PEX13: variants seen among roughly 807,000 people sequenced by gnomAD.
The protein encoded by PEX13 is peroxisomal biogenesis factor 13.
In PEX13, 28 loss-of-function variants were observed where a neutral mutation model predicts 34.5. That is an observed-to-expected ratio of 0.81 (90% CI 0.60 to 1.11). PEX13 has a LOEUF of 1.11. PEX13 is among the 50% of genes most tolerant of loss of function. The probability of loss-of-function intolerance (pLI) is 0.00; values close to 1 mark genes in which losing one functional copy is unlikely to be tolerated. For synonymous variants in PEX13, 177 were observed against 175.1 expected (o/e 1.01, Z -0.09); for missense variants, 550 against 491.0 (o/e 1.12, Z -1.13).
intron 1 of PEX13, among the ~76,000 whole-genome samples, chr2:61,030,177 G>T (rs1316643506): frequency 3.3e-5 from 5 of 152,188 alleles, no homozygotes; most frequent in Non-Finnish European, 5.9e-5. Context: ...ACTACGTATT[G>T]TATGAGTCCA....
In PEX13 at chr2:61,031,860, G is replaced by T. The variant is rs1162525817; in HGVS notation, c.534G>T (p.Val178=). The change falls in exon 2 of 4, where the codon GTG becomes GTT. Residue 178 remains valine, a synonymous_variant. Transcript: ENST00000295030. ...GATTGAAAATACACTTTACAAAAGT[G>T]TTTTCAGCTTTTGCATTGGTTAGGA... is the stretch of plus-strand genomic sequence containing the variant. ...FSRLKIHFTK[V]FSAFALVRTI... is the part of the protein sequence containing the mutation. 2 of 1,612,656 alleles carry T rather than the reference G, an allele frequency of 1.2e-6. No homozygotes were observed. The highest frequency in any genetic ancestry group is 2.7e-5 in the African/African-American group (2 of 74,910).
In PEX13 at chr2:61,031,961, C is replaced by T; in HGVS notation, c.635C>T (p.Ala212Val). 2 of 1,614,024 alleles carry T rather than the reference C, an allele frequency of 1.2e-6. No homozygotes were observed. Among genetic ancestry groups the T allele is most frequent in the Non-Finnish European group, 8.5e-7 (1 of 1,179,904 alleles). ...GGCTCTGAGAATGAAGACCTCTGGG[C>T]AGAGAGTGAAGGAACTGTGGCATGC... ...RRGSENEDLW[A>V]ESEGTVACLG... Residue 212 changes from alanine to valine, a missense_variant, in exon 2 of 4, where the codon GCA becomes GTA. Ala to Val is a moderately conservative substitution (Grantham distance 64). Transcript: ENST00000295030.
At chr2:61,021,701 G>A (rs1022045187) in intron 1 of PEX13, among the ~76,000 whole-genome samples, 2 of 152,196 alleles carry the variant, frequency 1.3e-5, no homozygotes, top group Non-Finnish European at 2.9e-5. Context: ...CTCTGAGAAC[G>A]GACAGACGGC....
At chr2:61,041,879 T>TA (rs1680631134) in intron 2 of PEX13, among the ~76,000 whole-genome samples, 1 of 152,176 alleles carries the variant, frequency 6.6e-6, no homozygotes, top group African/African-American at 2.4e-5. Flanking sequence ...GGTGTGATCT[T>TA]ACGGAACCTG....
In PEX13 at chr2:61,045,637, A is replaced by G. The variant is rs1385020108; in HGVS notation, c.788-89A>G. ...GGAGGGGAGGACTTTTCTCTTGGCAAATTTATGCAGTTTGCAAGCCATAGC... is the reference window on the plus strand; with the variant it reads ...GGAGGGGAGGACTTTTCTCTTGGCAGATTTATGCAGTTTGCAAGCCATAGC... On this transcript the variant is annotated intron_variant, in intron 2 of 3. Transcript: ENST00000295030. The G allele has an allele frequency of 2.6e-5, 32 of 1,213,942 alleles. No individual in the cohort carries two copies. In the East Asian group the frequency reaches 7.4e-4, roughly 28 times the overall value. The allele number at this position is 1,213,942 out of a possible 1,614,324, so 75.2% of individuals were successfully genotyped here.
intron 1 of PEX13, chr2:61,018,310 A>C: frequency 1.3e-6 from 2 of 1,549,016 alleles, no homozygotes; most frequent in African/African-American, 2.7e-5. Context: ...GGTTTTACGC[A>C]ACAGGAACTC....
intron 2 of PEX13, among the ~76,000 whole-genome samples, chr2:61,043,403 A>C (rs938305254): frequency 3.3e-5 from 5 of 152,058 alleles, no homozygotes; most frequent in Non-Finnish European, 7.4e-5. Flanking sequence ...TTGAGAAATC[A>C]ATGGTGAATT....
intron 1 of PEX13, among the ~76,000 whole-genome samples, chr2:61,029,591 A>G (rs757914900): frequency 3.3e-5 from 5 of 152,242 alleles, no homozygotes; most frequent in African/African-American, 7.2e-5. Flanking sequence ...TAATTTGGCA[A>G]TAAAAATTAA....
intron 3 of PEX13, among the ~76,000 whole-genome samples, chr2:61,047,084 C>T (rs563780326): frequency 1.2e-3 from 186 of 151,532 alleles, no homozygotes; most frequent in Non-Finnish European, 2.0e-3. Context: ...GCCTGGGCAA[C>T]GTAGTGTAAC....
Position 61,037,290 on chromosome 2 carries a change from T to G in PEX13, c.787+5177T>G, listed in dbSNP as rs551911703. 2.6e-5 allele frequency among the ~76,000 whole-genome samples: 4 copies of G among 152,300 alleles called. No homozygotes were observed. The East Asian group carries it at 7.7e-4, about 29-fold the overall frequency. ...CGGACCTAATAGACGTCTACAGAAC[T>G]CTACACCCCAAATCAACAGAGTATA... is the stretch of plus-strand genomic sequence containing the variant. On this transcript the variant is annotated intron_variant, in intron 2 of 3. Coordinates refer to ENST00000295030, the MANE Select transcript of PEX13 (RefSeq NM_002618.4).
Position 61,031,978 on chromosome 2 carries a change from G to A in PEX13, c.652G>A (p.Val218Met). The change falls in exon 2 of 4, where the codon GTG (valine) becomes ATG (methionine). Residue 218 changes from valine (V) to methionine (M), a missense_variant. Val to Met is a conservative substitution (Grantham distance 21). Transcript: ENST00000295030. The part of the protein sequence containing the change: ...EDLWAESEGT[V>M]ACLGAEDRAA... ...CCTCTGGGCAGAGAGTGAAGGAACT[G>A]TGGCATGCCTTGGTGCTGAGGACCG... is the stretch of plus-strand genomic sequence containing the variant. 1 of 1,614,086 alleles carries A rather than the reference G, an allele frequency of 6.2e-7. No individual in the cohort carries two copies.
intron 2 of PEX13, among the ~76,000 whole-genome samples, chr2:61,039,349 A>G (rs1249607423): frequency 6.6e-6 from 1 of 152,214 alleles, no homozygotes; most frequent in Non-Finnish European, 1.5e-5. Flanking sequence ...AAACTATACT[A>G]CAAGGCTACA....
chr2:61,039,918 AAGT>A (rs1410346770), intron 2 of PEX13, among the ~76,000 whole-genome samples: 1 of 152,226 alleles, frequency 6.6e-6, no homozygotes, highest in Non-Finnish European at 1.5e-5. Flanking sequence ...CCCCATCAAA[AAGT>A]AGGCAAAAGA....
intron 2 of PEX13, among the ~76,000 whole-genome samples, chr2:61,043,234 T>C (rs1257564041): frequency 1.3e-5 from 2 of 151,290 alleles, no homozygotes; most frequent in Non-Finnish European, 1.5e-5. Context: ...CGGTGGCTCA[T>C]GCCTGTAATC....
At position 61,031,424 on chromosome 2, in the gene PEX13, C is replaced by A. The variant is rs1458042764; in HGVS notation, c.98C>A (p.Ala33Asp). The change falls in exon 2 of 4, where the codon GCT (alanine) becomes GAT (aspartate). Residue 33 changes from alanine to aspartate, a missense_variant. Transcript: ENST00000295030. ...TGAATCTTTTTTGGTTTTAGATCTG[C>A]TGATTTGGGTCCTACTTTAATGACA... ...GPGPGPTFQS[A>D]DLGPTLMTRP... 2 of 1,613,530 alleles carry A rather than the reference C, an allele frequency of 1.2e-6. No individual in the cohort carries two copies. Among genetic ancestry groups the A allele is most frequent in the East Asian group, 2.2e-5 (1 of 44,874 alleles).
intron 2 of PEX13, among the ~76,000 whole-genome samples, chr2:61,036,389 G>A (rs956798099): frequency 3.3e-5 from 5 of 152,096 alleles, no homozygotes; most frequent in South Asian, 2.1e-4. Context: ...GAGAAAGGCC[G>A]GATTACCCAC....
intron 2 of PEX13, among the ~76,000 whole-genome samples, chr2:61,040,586 G>C (rs1174139175): frequency 6.6e-6 from 1 of 151,786 alleles, no homozygotes; most frequent in Non-Finnish European, 1.5e-5. Flanking sequence ...GGGCCTGTCA[G>C]GGGGTGGAGG....
Position 61,031,713 on chromosome 2 carries a change from A to C in PEX13, c.387A>C (p.Ala129=). 1 of 1,614,184 alleles carries C rather than the reference A, an allele frequency of 6.2e-7. No homozygotes were observed. Among genetic ancestry groups the C allele is most frequent in the Non-Finnish European group, 8.5e-7 (1 of 1,180,036 alleles). ...AAGCTGAAGAAAGCAGCAGGGGTGCATTTCAGTCCATTGAAAGTATTGTGC... is the reference window on the plus strand; with the variant it reads ...AAGCTGAAGAAAGCAGCAGGGGTGCCTTTCAGTCCATTGAAAGTATTGTGC... ...VQQAEESSRG[A]FQSIESIVHA... Residue 129 remains alanine (A), a synonymous_variant, in exon 2 of 4, where the codon GCA becomes GCC. Transcript: ENST00000295030.
chr2:61,048,702 G>C lies in PEX13; in HGVS notation c.1144G>C (p.Val382Leu), dbSNP rs886044219. Residue 382 changes from valine (V) to leucine (L), a missense_variant, in exon 4 of 4, where the codon GTT (valine) becomes CTT (leucine). Transcript: ENST00000295030. ...EQEAAFESVF[V>L]ETNKVPVAPD... ...GGAAGCTGCCTTTGAATCTGTTTTT[G>C]TTGAAACTAATAAGGTTCCAGTTGC... 4 of 1,613,850 alleles carry C rather than the reference G, an allele frequency of 2.5e-6. No homozygotes were observed. Among genetic ancestry groups the C allele is most frequent in the Admixed American group, 3.3e-5 (2 of 59,986 alleles).
Sources: allele counts gnomAD v4.1 joint callset (sites outside exome capture counted in the v4.1 genomes callset), GRCh38; gene constraint gnomAD v4.1.1; transcripts MANE v1.5; gene names NCBI Gene and HGNC (gene_info 2026-07-23, HGNC 2026-07-21).